Variants in NCK1 observed in about 807,000 individuals in gnomAD.
NCK1 encodes NCK adaptor protein 1.
In NCK1, 19 loss-of-function variants were observed where a neutral mutation model predicts 36.6. The ratio of observed to expected loss-of-function variants is 0.52; its 90% CI spans 0.36 to 0.76. NCK1 has a LOEUF of 0.76. Among genes scored for constraint, NCK1 ranks in the 30% least tolerant of loss-of-function variants. The pLI, the probability that NCK1 is intolerant of heterozygous loss-of-function variation, is 0.00. For synonymous variants in NCK1, 165 were observed against 156.0 expected (o/e 1.06, Z -0.43); for missense variants, 358 against 445.6 (o/e 0.80, Z 1.77).
intron 1 of NCK1, among the ~76,000 whole-genome samples, chr3:136,879,233 A>G (rs749020115): frequency 2.0e-5 from 3 of 152,080 alleles, no homozygotes; most frequent in Non-Finnish European, 2.9e-5. Context: ...ATGAGAAAAG[A>G]AAATTAAAAG....
At chr3:136,930,980 CTTTT>C (rs34682748) in intron 2 of NCK1, among the ~76,000 whole-genome samples, 2 of 149,278 alleles carry the variant, frequency 1.3e-5, no homozygotes, top group African/African-American at 2.5e-5. Context: ...TTGGAATTAA[CTTTT>C]TTTTTTTTAA....
chr3:136,906,826 C>G (rs1182683945), intron 1 of NCK1, among the ~76,000 whole-genome samples: 1 of 152,086 alleles, frequency 6.6e-6, no homozygotes, highest in Admixed American at 6.6e-5. Flanking sequence ...CAATCTCAGA[C>G]CCTGGGAGGA....
chr3:136,868,326 C>T (rs914034646), intron 1 of NCK1, among the ~76,000 whole-genome samples: 5 of 151,842 alleles, frequency 3.3e-5, no homozygotes, highest in Non-Finnish European at 7.4e-5. Flanking sequence ...TCATGTTTAC[C>T]ATTGAGTTTT....
At chr3:136,899,654 A>G in intron 1 of NCK1, 2 of 720,638 alleles carry the variant, frequency 2.8e-6, no homozygotes, top group South Asian at 1.4e-5. Context: ...TGTCTTTCTT[A>G]GTAATCTTAT....
chr3:136,883,245 A>T (rs1938992022), intron 1 of NCK1, among the ~76,000 whole-genome samples: 1 of 152,072 alleles, frequency 6.6e-6, no homozygotes, highest in African/African-American at 2.4e-5. Context: ...TGTAGAATAA[A>T]ATTGGCCTGT....
intron 1 of NCK1, 96 bp downstream of exon 1, chr3:136,862,449 C>G (rs1225339816): frequency 6.6e-6 from 1 of 152,562 alleles, no homozygotes; most frequent in Non-Finnish European, 1.5e-5. Context: ...GCTTCCTCTT[C>G]TCGCGCTGAG....
At chr3:136,937,054 TCA>T (rs2108140956) in intron 2 of NCK1, among the ~76,000 whole-genome samples, 1 of 152,330 alleles carries the variant, frequency 6.6e-6, no homozygotes, top group East Asian at 1.9e-4. Context: ...AAATCCAAGG[TCA>T]CAGATATTTG....
intron 1 of NCK1, among the ~76,000 whole-genome samples, chr3:136,892,471 C>A (rs901044367): frequency 6.6e-6 from 1 of 152,118 alleles, no homozygotes; most frequent in African/African-American, 2.4e-5. Context: ...ATCAATTAGT[C>A]CAGGAAAGGG....
At chr3:136,877,848 A>G (rs996911333) in intron 1 of NCK1, among the ~76,000 whole-genome samples, 2 of 152,108 alleles carry the variant, frequency 1.3e-5, no homozygotes, top group African/African-American at 4.8e-5. Flanking sequence ...GGTGCTAAAA[A>G]CAGGAGGATT....
intron 1 of NCK1, among the ~76,000 whole-genome samples, chr3:136,875,145 C>A (rs112938881): frequency 2.0e-5 from 3 of 152,078 alleles, no homozygotes; most frequent in Admixed American, 6.6e-5. Context: ...TCTTTGAGGA[C>A]TGTCATAACA....
chr3:136,916,923 G>A (rs1340498102), intron 1 of NCK1, among the ~76,000 whole-genome samples: 1 of 152,186 alleles, frequency 6.6e-6, no homozygotes, highest in Non-Finnish European at 1.5e-5. Flanking sequence ...CAACCCAAGT[G>A]TGTGGCTAGG....
At chr3:136,924,853 C>T (rs187077734) in intron 1 of NCK1, among the ~76,000 whole-genome samples, 29 of 152,206 alleles carry the variant, frequency 1.9e-4, no homozygotes, top group Non-Finnish European at 3.4e-4. Flanking sequence ...TGATTTTTCA[C>T]ACAAGAAATT....
At chr3:136,867,345 C>G (rs979923465) in intron 1 of NCK1, 2 of 150,712 alleles carry the variant, frequency 1.3e-5, no homozygotes, top group African/African-American at 4.9e-5. Context: ...ATCACAGCTC[C>G]TCATTGTAAC....
intron 3 of NCK1, chr3:136,947,182 G>A (rs1227326492): frequency 2.6e-5 from 4 of 152,296 alleles, no homozygotes; most frequent in Admixed American, 2.0e-4. Flanking sequence ...TGGGGCCTGT[G>A]CCTAATCCCT....
intron 1 of NCK1, among the ~76,000 whole-genome samples, 193 bp downstream of exon 1, chr3:136,862,546 G>A (rs1938255266): frequency 6.6e-6 from 1 of 152,244 alleles, no homozygotes; most frequent in Admixed American, 6.5e-5. Context: ...TCTGCACCGG[G>A]ATTCCGCGAG....
chr3:136,893,181 T>TTG (rs1939296893), intron 1 of NCK1, among the ~76,000 whole-genome samples: 1 of 127,672 alleles, frequency 7.8e-6, no homozygotes, highest in African/African-American at 2.9e-5. Flanking sequence ...TGTGTGTGTA[T>TTG]ATATATATAT....
intron 1 of NCK1, among the ~76,000 whole-genome samples, chr3:136,872,023 A>T (rs538157400): frequency 4.8e-4 from 73 of 152,304 alleles, no homozygotes; most frequent in Middle Eastern, 3.4e-3. Context: ...AAACAGATTA[A>T]TACAGTAAAT....
Position 136,946,136 on chromosome 3 carries a change from A to G in NCK1, c.780A>G (p.Glu260=), listed in dbSNP as rs758035664. 2 of 1,613,822 alleles carry G rather than the reference A, an allele frequency of 1.2e-6. No individual in the cohort carries two copies. Among genetic ancestry groups the G allele is most frequent in the East Asian group, 2.2e-5 (1 of 44,834 alleles). The change falls in exon 3 of 4, where the codon GAA becomes GAG. Residue 260 remains glutamate, a synonymous_variant. Transcript: ENST00000481752. ...ATAATCCATTAACTTCAGGTTTGGA[A>G]CCATCACCTCCACAGTGTGATTACA... ...MQNNPLTSGL[E]PSPPQCDYIR... is the part of the protein sequence containing the mutation.
intron 2 of NCK1, among the ~76,000 whole-genome samples, chr3:136,943,999 C>T (rs998610619): frequency 6.7e-6 from 1 of 149,558 alleles, no homozygotes; most frequent in Admixed American, 6.7e-5. Flanking sequence ...GAATGGTATT[C>T]ATAAGAATGG....
Sources: allele counts gnomAD v4.1 joint callset (sites outside exome capture counted in the v4.1 genomes callset), GRCh38; gene constraint gnomAD v4.1.1; transcripts MANE v1.5; gene names NCBI Gene and HGNC (gene_info 2026-07-23, HGNC 2026-07-21).